ITGAV: variants seen among roughly 807,000 people sequenced by gnomAD.
ITGAV encodes integrin subunit alpha V, also known as integrin alpha-V.
In ITGAV, 76 loss-of-function variants were observed where a neutral mutation model predicts 143.8. The ratio of observed to expected loss-of-function variants is 0.53; its 90% CI spans 0.44 to 0.64. The LOEUF (loss-of-function observed/expected upper bound fraction) is 0.64. Ranked by LOEUF, ITGAV falls within the 30% of genes least tolerant of loss-of-function variation. The pLI, the probability that ITGAV is intolerant of heterozygous loss-of-function variation, is 0.00. For synonymous variants in ITGAV, 453 were observed against 446.7 expected, an observed-to-expected ratio of 1.01 and a Z score of -0.18; for missense variants, 1,193 against 1,274.7, an observed-to-expected ratio of 0.94 and a Z score of 0.98.
chr2:186,664,690 T>C (rs1282483284), intron 20 of ITGAV, 49 bp downstream of exon 20: 1 of 1,607,922 alleles, frequency 6.2e-7, no homozygotes, highest in Admixed American at 1.7e-5. Flanking sequence ...CGGATCTTAT[T>C]AACATTAATG....
chr2:186,661,844 C>T (rs996927023), intron 18 of ITGAV, among the ~76,000 whole-genome samples: 1 of 152,100 alleles, frequency 6.6e-6, no homozygotes. Flanking sequence ...ATCCACCCAC[C>T]TTGGCCTCCC....
At chr2:186,600,065 T>G (rs547399859) in intron 1 of ITGAV, 92 of 455,184 alleles carry the variant, frequency 2.0e-4, no homozygotes, top group African/African-American at 1.6e-3. Flanking sequence ...CTTAAAAAAC[T>G]CAGTGGCTTC....
At chr2:186,596,742 A>T (rs868493187) in intron 1 of ITGAV, among the ~76,000 whole-genome samples, 1 of 152,056 alleles carries the variant, frequency 6.6e-6, no homozygotes, top group Non-Finnish European at 1.5e-5. Flanking sequence ...AGCATCTTTT[A>T]TCACCTTGTA....
At chr2:186,639,349 C>T (rs946636131) in intron 10 of ITGAV, among the ~76,000 whole-genome samples, 18 of 152,164 alleles carry the variant, frequency 1.2e-4, no homozygotes, top group African/African-American at 4.3e-4. Context: ...ATAGGATTGA[C>T]AGGCTGACTG....
At chr2:186,656,112 T>G in intron 16 of ITGAV, 135 bp from the exon 17 acceptor site, 2 of 543,470 alleles carry the variant, frequency 3.7e-6, no homozygotes, top group African/African-American at 4.0e-5. Flanking sequence ...CATTACAATG[T>G]AATGACATTT....
chr2:186,658,337 TC>T (rs959053904), intron 17 of ITGAV, among the ~76,000 whole-genome samples: 4 of 152,146 alleles, frequency 2.6e-5, no homozygotes, highest in Admixed American at 2.6e-4. Flanking sequence ...TTAAACAAAG[TC>T]CACCAATACC....
chr2:186,640,360 A>G (rs1688068235), intron 10 of ITGAV, among the ~76,000 whole-genome samples: 2 of 152,200 alleles, frequency 1.3e-5, no homozygotes, highest in Admixed American at 6.5e-5. Flanking sequence ...ATCTATAGAG[A>G]TATGACACAA....
chr2:186,599,848 C>T (rs1050903134), intron 1 of ITGAV, among the ~76,000 whole-genome samples: 1 of 152,202 alleles, frequency 6.6e-6, no homozygotes, highest in African/African-American at 2.4e-5. Flanking sequence ...ATATTCAGGC[C>T]TCCAGCGATT....
chr2:186,593,372 CA>C, intron 1 of ITGAV, among the ~76,000 whole-genome samples: 1 of 151,830 alleles, frequency 6.6e-6, no homozygotes, highest in Admixed American at 6.6e-5. Flanking sequence ...GGCGGCCCCT[CA>C]AAAAATCACT....
chr2:186,609,025 G>C (rs777293625), intron 2 of ITGAV, among the ~76,000 whole-genome samples: 35 of 152,146 alleles, frequency 2.3e-4, no homozygotes, highest in African/African-American at 8.4e-4. Flanking sequence ...TTTTATAGTA[G>C]TGTCTGTTTG....
intron 12 of ITGAV, among the ~76,000 whole-genome samples, chr2:186,644,437 TG>T (rs1688194621): frequency 6.6e-6 from 1 of 151,858 alleles, no homozygotes; most frequent in East Asian, 2.0e-4. Flanking sequence ...GCGATTCCCC[TG>T]CCTCAGCCTC....
chr2:186,642,128 A>G (rs1688121096), intron 12 of ITGAV, among the ~76,000 whole-genome samples: 1 of 152,226 alleles, frequency 6.6e-6, no homozygotes, highest in South Asian at 2.1e-4. Flanking sequence ...TTCGTTTATA[A>G]TAGTACCATT....
intron 18 of ITGAV, among the ~76,000 whole-genome samples, chr2:186,663,258 T>G (rs927480716): frequency 7.2e-5 from 11 of 152,214 alleles, no homozygotes; most frequent in Non-Finnish European, 1.3e-4. Context: ...CTTTTGCCCC[T>G]TGGTCTCTCT....
intron 2 of ITGAV, among the ~76,000 whole-genome samples, chr2:186,604,626 C>T (rs942780002): frequency 2.6e-5 from 4 of 152,060 alleles, no homozygotes; most frequent in Admixed American, 6.5e-5. Flanking sequence ...CCCATGGCAA[C>T]CTCATTTATT....
chr2:186,604,499 A>T (rs73979328), intron 2 of ITGAV, among the ~76,000 whole-genome samples: 3,596 of 152,328 alleles, frequency 0.024, 151 homozygotes, highest in African/African-American at 0.082. Context: ...AAATATGTGA[A>T]TATATCTGTA....
In ITGAV at chr2:186,677,340, C is replaced by G. The variant is rs199671877; in HGVS notation, c.*48C>G. 26 of 1,378,006 alleles carry G rather than the reference C, an allele frequency of 1.9e-5. No homozygotes were observed. The highest frequency in any genetic ancestry group is 2.6e-5 in the Non-Finnish European group (25 of 979,270). 85.4% of individuals were successfully genotyped at this position (1,378,006 alleles called of 1,614,324 possible). A position where few individuals can be genotyped will look rare whatever the true frequency, so the allele number is the denominator to read the frequency against. ...CATCTTGACCCACTAGAATTAGCAA[C>G]TTTATTATAGATTTAAACTTTCTTC... On this transcript the variant is annotated 3_prime_UTR_variant, in exon 30 of 30. Transcript: ENST00000261023.
chr2:186,594,970 T>G (rs1686707543), intron 1 of ITGAV, among the ~76,000 whole-genome samples: 2 of 152,238 alleles, frequency 1.3e-5, no homozygotes, highest in African/African-American at 4.8e-5. Flanking sequence ...CATAGAGCAT[T>G]ATGAAAGACA....
chr2:186,597,311 G>A (rs1326771687), intron 1 of ITGAV, among the ~76,000 whole-genome samples: 2 of 152,200 alleles, frequency 1.3e-5, no homozygotes, highest in African/African-American at 2.4e-5. Context: ...CCAAAATTAA[G>A]TAGAGATGTT....
rs1293714188 is a variant in ITGAV, at chr2:186,652,029, G to A, written c.1445G>A (p.Ser482Asn). 1 of 1,613,758 alleles carries A rather than the reference G, an allele frequency of 6.2e-7. No individual in the cohort carries two copies. Among genetic ancestry groups the A allele is most frequent in the South Asian group, 1.1e-5 (1 of 91,050 alleles). ...TVNAGLEVYP[S>N]ILNQDNKTCS... ...AATGCTGGTCTTGAAGTGTACCCTA[G>A]CATTTTAAATCAAGACAATAAAACC... is the stretch of plus-strand genomic sequence containing the variant. Residue 482 changes from serine (S) to asparagine (N), a missense_variant, in exon 15 of 30, where the codon AGC (serine) becomes AAC (asparagine). Physicochemically the swap from Ser to Asn is conservative, Grantham distance 46 (BLOSUM62 1). Transcript: ENST00000261023.
Sources: gnomAD v4.1 joint callset for allele counts (sites outside exome capture counted in the v4.1 genomes callset) on GRCh38, gnomAD v4.1.1 for gene constraint, MANE v1.5 for transcripts, NCBI Gene and HGNC (gene_info 2026-07-23, HGNC 2026-07-21) for gene names.